The following TSHZ2 variants were observed in gnomAD, a reference collection of about 807,000 sequenced individuals.
The protein encoded by TSHZ2 is teashirt zinc finger homeobox 2.
TSHZ2 carries 21 observed loss-of-function variants against 74.4 expected under a neutral mutation model. The ratio of observed to expected loss-of-function variants is 0.28; its 90% CI spans 0.20 to 0.41. The LOEUF is 0.41. Ranked by LOEUF, TSHZ2 falls within the 10% of genes least tolerant of loss-of-function variation. The pLI is 1.00. For synonymous variants in TSHZ2, 540 were observed against 515.3 expected (o/e 1.05, Z -0.65); for missense variants, 1,244 against 1,293.5 (o/e 0.96, Z 0.59).
At chr20:53,306,447 A>G (rs1267992997) in intron 2 of TSHZ2, among the ~76,000 whole-genome samples, 4 of 152,158 alleles carry the variant, frequency 2.6e-5, no homozygotes, top group Non-Finnish European at 5.9e-5. Context: ...TTGCTCTAGA[A>G]TTAGCCACCC....
rs115252357 is a variant in TSHZ2 at position 53,085,807 on chromosome 20, C to T, written c.40+112474C>T. ...CCTAGCTGCAAAGTCATGCCCATTA[C>T]TGAGTTCAACTTCCTCAAATTCCCC... is the stretch of plus-strand genomic sequence containing the variant. On this transcript the variant is annotated intron_variant, in intron 1 of 2. Coordinates refer to ENST00000371497, the MANE Select transcript of TSHZ2 (RefSeq NM_173485.6). Among the ~76,000 whole-genome samples the T allele has an allele frequency of 1.5e-3, 231 of 152,338 alleles. 1 individual carries two copies. Among genetic ancestry groups the T allele is most frequent in the African/African-American group, 5.3e-3 (219 of 41,572 alleles).
intron 1 of TSHZ2, among the ~76,000 whole-genome samples, chr20:53,040,828 G>A (rs148110456): frequency 8.5e-5 from 13 of 152,220 alleles, no homozygotes; most frequent in African/African-American, 3.1e-4. Context: ...GCCTTCCTTA[G>A]GCGCAGCATT....
At chr20:53,389,652 G>A (rs1252837626) in intron 2 of TSHZ2, among the ~76,000 whole-genome samples, 1 of 152,200 alleles carries the variant, frequency 6.6e-6, no homozygotes, top group Non-Finnish European at 1.5e-5. Context: ...GCTGGTTGAT[G>A]TTATTGTGTT....
intron 1 of TSHZ2, among the ~76,000 whole-genome samples, chr20:53,014,473 G>A (rs923119715): frequency 2.0e-5 from 3 of 152,128 alleles, no homozygotes; most frequent in African/African-American, 7.2e-5. Context: ...TGGAGCATTA[G>A]TTATGAACCA....
At chr20:53,234,511 G>C (rs1463193004) in intron 1 of TSHZ2, among the ~76,000 whole-genome samples, 1 of 152,186 alleles carries the variant, frequency 6.6e-6, no homozygotes, top group Non-Finnish European at 1.5e-5. Context: ...CTACAAGTTG[G>C]TAAGTATGAA....
intron 1 of TSHZ2, among the ~76,000 whole-genome samples, chr20:53,059,531 A>G (rs923660986): frequency 6.6e-6 from 1 of 152,232 alleles, no homozygotes; most frequent in East Asian, 1.9e-4. Context: ...ACAGATGACA[A>G]AATATACCAG....
chr20:53,017,840 A>C (rs919550614), intron 1 of TSHZ2, among the ~76,000 whole-genome samples: 48 of 152,302 alleles, frequency 3.2e-4, no homozygotes, highest in African/African-American at 1.2e-3. Flanking sequence ...GACCAATCAC[A>C]TTGTATAGTA....
At chr20:53,182,245 CTTCT>C (rs140516298) in intron 1 of TSHZ2, among the ~76,000 whole-genome samples, 3,147 of 148,672 alleles carry the variant, frequency 0.021, 107 homozygotes, top group African/African-American at 0.073. Flanking sequence ...TCCTTCCTTC[CTTCT>C]ATCATTTTTT....
intron 2 of TSHZ2, among the ~76,000 whole-genome samples, chr20:53,427,469 A>T (rs1228585926): frequency 6.7e-6 from 1 of 150,246 alleles, no homozygotes; most frequent in Non-Finnish European, 1.5e-5. Flanking sequence ...CTGTAGGGGG[A>T]AAAAAACTGT....
At chr20:53,442,062 T>C (rs1272850408) in intron 2 of TSHZ2, among the ~76,000 whole-genome samples, 2 of 152,140 alleles carry the variant, frequency 1.3e-5, no homozygotes, top group Non-Finnish European at 2.9e-5. Context: ...AATGCCTGCG[T>C]AGGTGGGGCT....
At chr20:53,183,857 T>G (rs1388622729) in intron 1 of TSHZ2, among the ~76,000 whole-genome samples, 1 of 152,204 alleles carries the variant, frequency 6.6e-6, no homozygotes, top group East Asian at 1.9e-4. Context: ...AACAAAGGTG[T>G]GAGAGCAAGG....
intron 1 of TSHZ2, among the ~76,000 whole-genome samples, chr20:53,145,880 A>G (rs1459057220): frequency 6.6e-6 from 1 of 152,236 alleles, no homozygotes; most frequent in African/African-American, 2.4e-5. Context: ...CTCCTAGCAC[A>G]GTTGTAATGA....
chr20:53,368,926 T>C (rs548708670), intron 2 of TSHZ2, among the ~76,000 whole-genome samples: 1 of 152,280 alleles, frequency 6.6e-6, no homozygotes, highest in East Asian at 1.9e-4. Context: ...CTGGGTTCAG[T>C]AGCAACAAGG....
chr20:53,366,698 GTTA>G (rs1229235838), intron 2 of TSHZ2, among the ~76,000 whole-genome samples: 1 of 152,170 alleles, frequency 6.6e-6, no homozygotes, highest in Non-Finnish European at 1.5e-5. Flanking sequence ...CAGGGCTATT[GTTA>G]TTATTAAGGT....
chr20:53,314,329 G>T (rs570914087), intron 2 of TSHZ2, among the ~76,000 whole-genome samples: 1 of 151,528 alleles, frequency 6.6e-6, no homozygotes, highest in East Asian at 1.9e-4. Flanking sequence ...TGCAGTTTCA[G>T]TTATCTATTG....
chr20:53,320,451 C>T (rs1979212889), intron 2 of TSHZ2, among the ~76,000 whole-genome samples: 1 of 152,210 alleles, frequency 6.6e-6, no homozygotes, highest in Admixed American at 6.5e-5. Context: ...CCTCAATTCA[C>T]ACTTTTACTT....
chr20:53,198,704 A>G (rs1988931783), intron 1 of TSHZ2, among the ~76,000 whole-genome samples: 2 of 152,192 alleles, frequency 1.3e-5, no homozygotes, highest in Admixed American at 1.3e-4. Context: ...CTAAACCCAG[A>G]GGAACTCCAA....
At chr20:53,132,527 G>C (rs1454001910) in intron 1 of TSHZ2, among the ~76,000 whole-genome samples, 1 of 152,014 alleles carries the variant, frequency 6.6e-6, no homozygotes, top group Non-Finnish European at 1.5e-5. Context: ...TGATCTGCCT[G>C]CCTCAGCCTC....
chr20:52,980,059 C>A (rs1981503674), intron 1 of TSHZ2, among the ~76,000 whole-genome samples: 1 of 152,216 alleles, frequency 6.6e-6, no homozygotes, highest in African/African-American at 2.4e-5. Context: ...GAAACTCTCT[C>A]TGGACACACA....
Sources: allele counts gnomAD v4.1 joint callset (sites outside exome capture counted in the v4.1 genomes callset), GRCh38; gene constraint gnomAD v4.1.1; transcripts MANE v1.5; gene names NCBI Gene and HGNC (gene_info 2026-07-23, HGNC 2026-07-21).